FBL: variants seen among roughly 807,000 people sequenced by gnomAD.
The protein encoded by FBL is rRNA 2'-O-methyltransferase fibrillarin.
In FBL, 10 loss-of-function variants were observed where a neutral mutation model predicts 42.2. The ratio of observed to expected loss-of-function variants is 0.24; its 90% CI spans 0.15 to 0.40. The LOEUF is 0.40. FBL is among the 10% of genes least tolerant of loss of function. The probability of loss-of-function intolerance (pLI) is 1.00; values close to 1 mark genes in which losing one functional copy is unlikely to be tolerated. For missense variants in FBL, 351 were observed against 439.2 expected (o/e 0.80, Z 1.79); for synonymous variants, 165 against 165.4 (o/e 1.00, Z 0.02).
chr19:39,845,011 C>A (rs1201428617), intron 1 of FBL, among the ~76,000 whole-genome samples: 5 of 152,080 alleles, frequency 3.3e-5, no homozygotes, highest in Non-Finnish European at 7.4e-5. Flanking sequence ...GCATACCTGG[C>A]CTACAATCCC....
rs200033307 is a variant in FBL at position 39,846,317 on chromosome 19, T to A, written c.-17A>T. On this transcript the variant is annotated 5_prime_UTR_variant, in exon 1 of 9. Transcript: ENST00000221801. ...TGGCTTCATGGCGAGCCCTGGTTTG[T>A]GCGGCTCCGGAGTCCGCGGCGTTCA... 1.5e-5 allele frequency: 25 copies of A among 1,613,260 alleles called. No individual in the cohort carries two copies. Among genetic ancestry groups the A allele is most frequent in the Admixed American group, 1.0e-4 (6 of 59,992 alleles).
At chr19:39,842,433 C>T (rs1369625744) in intron 1 of FBL, among the ~76,000 whole-genome samples, 2 of 152,094 alleles carry the variant, frequency 1.3e-5, no homozygotes, top group African/African-American at 4.8e-5. Context: ...TCCTACGAAC[C>T]CTTCATGCAC....
chr19:39,846,344 A>G lies in FBL; in HGVS notation c.-44T>C, dbSNP rs1176997752. 1.9e-6 allele frequency: 3 copies of G among 1,611,308 alleles called. No individual in the cohort carries two copies. The highest frequency in any genetic ancestry group is 1.1e-5 in the South Asian group (1 of 90,670). On this transcript the variant is annotated 5_prime_UTR_variant, in exon 1 of 9. Coordinates refer to ENST00000221801, the MANE Select transcript of FBL (RefSeq NM_001436.4). ...CGGCTCCGGAGTCCGCGGCGTTCAC[A>G]ACTCCACGAGTCCGGGGCTTTCGCA...
At chr19:39,837,513 AG>A (rs1205431679) in intron 6 of FBL, among the ~76,000 whole-genome samples, 197 bp downstream of exon 6, 1 of 152,162 alleles carries the variant, frequency 6.6e-6, no homozygotes, top group Non-Finnish European at 1.5e-5. Context: ...TGGCCCTCCA[AG>A]GGTGGCTTCC....
chr19:39,837,919 A>G, intron 5 of FBL, 76 bp from the exon 6 acceptor site: 1 of 1,230,866 alleles, frequency 8.1e-7, no homozygotes, highest in Non-Finnish European at 1.1e-6. Flanking sequence ...CCCATACACT[A>G]TACACAGCAT....
In FBL at chr19:39,840,452, G is replaced by A. The variant is rs146399599; in HGVS notation, c.245C>T (p.Ser82Leu). 1.7e-5 allele frequency: 28 copies of A among 1,613,826 alleles called. No homozygotes were observed. The highest frequency in any genetic ancestry group is 2.3e-5 in the Non-Finnish European group (27 of 1,179,990). Residue 82 changes from serine to leucine, a missense_variant, in exon 3 of 9, where the codon TCG (serine) becomes TTG (leucine). By Grantham distance (145) the Ser-to-Leu change is moderately radical. Transcript: ENST00000221801. This position sits in a 1 kb window ranked among gnomAD's most constrained non-coding sequence, Gnocchi z 4.5. ...RGRGGKRGNQSGKNVMVEPHR... is the reference protein window; with the variant it reads ...RGRGGKRGNQLGKNVMVEPHR... ...CGGCTCCACCATCACATTCTTCCCC[G>A]ACTGGTTTCCTCTTTTTCCTCCCCG...
chr19:39,839,152 T>C lies in FBL; in HGVS notation c.432A>G (p.Leu144=), dbSNP rs1599656766. 2 of 1,614,012 alleles carry C rather than the reference T, an allele frequency of 1.2e-6. No homozygotes were observed. The highest frequency in any genetic ancestry group is 1.7e-6 in the Non-Finnish European group (2 of 1,179,956). ...YRAWNPFRSK[L]AAAILGGVDQ... is the part of the protein sequence containing the mutation. The stretch of plus-strand genomic sequence containing the variant: ...CCACACCACCCAGGATTGCTGCTGC[T>C]AGCTTGGAGCGGAAGGGGTTCCAGG... Residue 144 remains leucine, a synonymous_variant, in exon 5 of 9, where the codon CTA becomes CTG. Coordinates refer to ENST00000221801, the MANE Select transcript of FBL (RefSeq NM_001436.4).
In FBL at chr19:39,840,648, G is replaced by A. The variant is rs372339933; in HGVS notation, c.150C>T (p.Gly50=). The A allele has an allele frequency of 3.4e-5, 54 of 1,610,748 alleles. No homozygotes were observed. Among genetic ancestry groups the A allele is most frequent in the African/African-American group, 1.2e-4 (9 of 74,772 alleles). The change falls in exon 2 of 9, where the codon GGC becomes GGT. Residue 50 remains glycine, a synonymous_variant. Coordinates refer to ENST00000221801, the MANE Select transcript of FBL (RefSeq NM_001436.4). This position sits in a 1 kb window ranked among gnomAD's most constrained non-coding sequence, Gnocchi z 4.5. ...FRGRGRGGGG[G]GGGGGGGGRG... is the part of the protein sequence containing the mutation. ...TTCCTCCTCCTCCACCGCCGCCGCC[G>A]CCTCCACCTCCTCCTCGTCCACGAC...
intron 7 of FBL, among the ~76,000 whole-genome samples, chr19:39,836,124 T>C (rs1969043473): frequency 6.6e-6 from 1 of 151,784 alleles, no homozygotes; most frequent in Non-Finnish European, 1.5e-5. Context: ...TAACAAATGG[T>C]GAACCTTGTG....
At chr19:39,842,461 T>C (rs1387127397) in intron 1 of FBL, among the ~76,000 whole-genome samples, 1 of 152,160 alleles carries the variant, frequency 6.6e-6, no homozygotes, top group Non-Finnish European at 1.5e-5. Context: ...GTATTAAAGA[T>C]AAAAAATGTG....
At chr19:39,839,542 C>T (rs1331409893) in intron 4 of FBL, among the ~76,000 whole-genome samples, 3 of 152,006 alleles carry the variant, frequency 2.0e-5, no homozygotes, top group African/African-American at 4.8e-5. Flanking sequence ...AAGTATTCAC[C>T]GAACTAACTA....
chr19:39,834,591 G>C, intron 8 of FBL, 29 bp from the exon 9 acceptor site: 1 of 1,614,138 alleles, frequency 6.2e-7, no homozygotes, highest in Non-Finnish European at 8.5e-7. Flanking sequence ...TGATGAAGGA[G>C]GGTCCCCAGG....
At position 39,840,904 on chromosome 19, in the gene FBL, G is replaced by GAC. The variant is rs1969153654; in HGVS notation, c.11-119_11-118dup. 1.0e-6 allele frequency: 1 copy of GAC among 976,190 alleles called. No homozygotes were observed. Among genetic ancestry groups the GAC allele is most frequent in the African/African-American group, 1.6e-5 (1 of 60,956 alleles). The allele number at this position is 976,190 out of a possible 1,614,324, so 60.5% of individuals were successfully genotyped here. ...AAATACATGTGCCCGTGTACAGCAG[G>GAC]ACACATTTCCAAGAATGTCCACAGC... On this transcript the variant is annotated intron_variant, in intron 1 of 8. Coordinates refer to ENST00000221801, the MANE Select transcript of FBL (RefSeq NM_001436.4). The surrounding 1 kb of genome is among the most constrained non-coding windows in gnomAD (Gnocchi z 4.5).
chr19:39,839,906 G>C (rs955840583), intron 4 of FBL, among the ~76,000 whole-genome samples: 3 of 152,078 alleles, frequency 2.0e-5, no homozygotes. Context: ...TAAGGACGCA[G>C]CCTCCCACAG....
chr19:39,839,762 G>A, intron 4 of FBL, among the ~76,000 whole-genome samples: 1 of 152,170 alleles, frequency 6.6e-6, no homozygotes, highest in Non-Finnish European at 1.5e-5. Flanking sequence ...ACGAGAGGGA[G>A]AGCGATTAGG....
At chr19:39,837,890 ATGGAG>A (rs1969081796) in intron 5 of FBL, 47 bp from the exon 6 acceptor site, 5 of 1,566,816 alleles carry the variant, frequency 3.2e-6, no homozygotes, top group Non-Finnish European at 4.4e-6. Flanking sequence ...GTTCTCATGC[ATGGAG>A]TGCCTACTTT....
At chr19:39,834,880 A>G in intron 7 of FBL, 67 bp from the exon 8 acceptor site, 5 of 1,515,228 alleles carry the variant, frequency 3.3e-6, no homozygotes. Flanking sequence ...TGTGCTCTTT[A>G]AACCAGATGT....
intron 1 of FBL, among the ~76,000 whole-genome samples, chr19:39,842,119 T>G (rs1448946355): frequency 6.6e-6 from 1 of 151,158 alleles, no homozygotes; most frequent in Non-Finnish European, 1.5e-5. Flanking sequence ...GGAGTCTCAC[T>G]CTGTCACCCA....
intron 7 of FBL, among the ~76,000 whole-genome samples, 180 bp downstream of exon 7, chr19:39,836,375 AC>A (rs1365457641): frequency 6.6e-6 from 1 of 152,112 alleles, no homozygotes; most frequent in African/African-American, 2.4e-5. Flanking sequence ...CTGGGATTAA[AC>A]TCAGATGGTC....
Sources: gnomAD v4.1 joint callset for allele counts (sites outside exome capture counted in the v4.1 genomes callset) on GRCh38, gnomAD v4.1.1 for gene constraint, Gnocchi (gnomAD v3.1) non-coding constraint, MANE v1.5 for transcripts, NCBI Gene and HGNC (gene_info 2026-07-23, HGNC 2026-07-21) for gene names.